The following CRYM variants were observed in gnomAD, a reference collection of about 807,000 sequenced individuals.
CRYM encodes ketimine reductase mu-crystallin.
CRYM carries 18 observed loss-of-function variants against 32.9 expected under a neutral mutation model. That is an observed-to-expected ratio of 0.55 (90% CI 0.38 to 0.81). The LOEUF (loss-of-function observed/expected upper bound fraction) is 0.81. Among genes scored for constraint, CRYM ranks in the 30% least tolerant of loss-of-function variants. The pLI, the probability that CRYM is intolerant of heterozygous loss-of-function variation, is 0.00. For synonymous variants in CRYM, 153 were observed against 152.4 expected, an observed-to-expected ratio of 1.00 and a Z score of -0.03; for missense variants, 337 against 393.5, an observed-to-expected ratio of 0.86 and a Z score of 1.21.
chr16:21,269,773 C>A lies in CRYM; in HGVS notation c.489+17G>T. On this transcript the variant is annotated intron_variant, in intron 4 of 7. Coordinates refer to ENST00000572914, the MANE Select transcript of CRYM (RefSeq NM_001376256.1). ...ACCCCCTTCCCTCTTCTCTCCCACC[C>A]CCACCCCTGGACTTACCTCCTTAAA... is the stretch of plus-strand genomic sequence containing the variant. 3 of 1,312,798 alleles carry A rather than the reference C, an allele frequency of 2.3e-6. No homozygotes were observed. The highest frequency in any genetic ancestry group is 2.4e-5 in the South Asian group (2 of 83,650). The allele number at this position is 1,312,798 out of a possible 1,614,324, so 81.3% of individuals were successfully genotyped here. A position where few individuals can be genotyped will look rare whatever the true frequency, so the allele number is the denominator to read the frequency against.
At chr16:21,263,752 G>T (rs1211963997) in intron 5 of CRYM, among the ~76,000 whole-genome samples, 1 of 152,212 alleles carries the variant, frequency 6.6e-6, no homozygotes, top group African/African-American at 2.4e-5. Flanking sequence ...TGCCTGCAAG[G>T]CCAGGGAGGT....
At position 21,267,657 on chromosome 16, in the gene CRYM, C is replaced by T. The variant is rs754359609; in HGVS notation, c.570G>A (p.Ser190=). The T allele has an allele frequency of 4.1e-5, 66 of 1,614,054 alleles. No homozygotes were observed. Among genetic ancestry groups the T allele is most frequent in the Non-Finnish European group, 4.8e-5 (57 of 1,180,022 alleles). The change falls in exon 5 of 8, where the codon TCG becomes TCA. Residue 190 remains serine, a synonymous_variant. Coordinates refer to ENST00000572914, the MANE Select transcript of CRYM (RefSeq NM_001376256.1). ...TVQGEVRVCS[S]VQEAVAGADV... is the part of the protein sequence containing the mutation. Reference sequence around the variant, plus strand: ...CTGCACCTGCCACAGCCTCCTGGACCGAAGAACAGACCCGTACCTCTCCTT... The same window carrying T: ...CTGCACCTGCCACAGCCTCCTGGACTGAAGAACAGACCCGTACCTCTCCTT...
At position 21,269,805 on chromosome 16, in the gene CRYM, C is replaced by T. The variant is rs371633413; in HGVS notation, c.474G>A (p.Gln158=). The part of the protein sequence containing the change: ...AYSHYEIFTE[Q]FSFKEVRIWN... Reference sequence around the variant, plus strand: ...CTGGACTTACCTCCTTAAAGGAGAACTGCTCTGTGAAGATCTCATAATGGC... The same window carrying T: ...CTGGACTTACCTCCTTAAAGGAGAATTGCTCTGTGAAGATCTCATAATGGC... The change falls in exon 4 of 8, where the codon CAG becomes CAA. Residue 158 remains glutamine, a synonymous_variant. Coordinates refer to ENST00000572914, the MANE Select transcript of CRYM (RefSeq NM_001376256.1). The T allele has an allele frequency of 2.4e-4, 191 of 810,088 alleles. No individual in the cohort carries two copies. Among genetic ancestry groups the T allele is most frequent in the Non-Finnish European group, 3.5e-4 (184 of 521,062 alleles). The allele number at this position is 810,088 out of a possible 1,614,324, so 50.2% of individuals were successfully genotyped here. A position where few individuals can be genotyped will look rare whatever the true frequency, so the allele number is the denominator to read the frequency against.
rs2093388064 is a variant in CRYM, at chr16:21,277,083, G to A, written c.324+348C>T. On this transcript the variant is annotated intron_variant, in intron 2 of 7. Transcript: ENST00000572914. The surrounding 1 kb of genome is among the most constrained non-coding windows in gnomAD (Gnocchi z 4.2). ...CACCCCTTCTTTTCCATGTCGACAA[G>A]GATTCAGTAAGTAAGTCTTCCCTTG... is the stretch of plus-strand genomic sequence containing the variant. 6.6e-6 allele frequency among the ~76,000 whole-genome samples: 1 copy of A among 152,188 alleles called. No individual in the cohort carries two copies.
intron 3 of CRYM, among the ~76,000 whole-genome samples, chr16:21,274,126 T>G (rs887872378): frequency 1.3e-5 from 2 of 152,238 alleles, no homozygotes; most frequent in African/African-American, 4.8e-5. Context: ...GACCTTGTAC[T>G]TCCACATTTA....
At chr16:21,297,553 C>T (rs951927471) in intron 1 of CRYM, among the ~76,000 whole-genome samples, 2 of 152,040 alleles carry the variant, frequency 1.3e-5, no homozygotes, top group Admixed American at 1.3e-4. Context: ...ACTATATGTG[C>T]CTCTAAAATT....
At chr16:21,260,609 G>A (rs1048044467) in intron 7 of CRYM, among the ~76,000 whole-genome samples, 1 of 152,124 alleles carries the variant, frequency 6.6e-6, no homozygotes, top group African/African-American at 2.4e-5. Context: ...CTGTTCCCAT[G>A]TACTTCTGTT....
At chr16:21,275,741 C>T in intron 2 of CRYM, 147 bp from the exon 3 acceptor site, 1 of 685,230 alleles carries the variant, frequency 1.5e-6, no homozygotes, top group Non-Finnish European at 2.7e-6. Flanking sequence ...CCGATTCCTC[C>T]ACTTACGAGA....
At chr16:21,288,695 G>C (rs1277664802) in intron 1 of CRYM, among the ~76,000 whole-genome samples, 1 of 152,084 alleles carries the variant, frequency 6.6e-6, no homozygotes, top group Non-Finnish European at 1.5e-5. Context: ...TTTTAAGGTG[G>C]AAGACTAGAT....
intron 1 of CRYM, among the ~76,000 whole-genome samples, chr16:21,288,924 A>G (rs1396125220): frequency 6.6e-6 from 1 of 151,978 alleles, no homozygotes; most frequent in Non-Finnish European, 1.5e-5. Context: ...ACTGATTTCT[A>G]ATTTTGTTCC....
At chr16:21,269,318 G>A (rs1457144405) in intron 4 of CRYM, among the ~76,000 whole-genome samples, 1 of 152,022 alleles carries the variant, frequency 6.6e-6, no homozygotes, top group African/African-American at 2.4e-5. Context: ...AAAATTCCCA[G>A]GGGGAAGCAT....
At chr16:21,263,051 C>A (rs2093357510) in intron 5 of CRYM, among the ~76,000 whole-genome samples, 1 of 151,956 alleles carries the variant, frequency 6.6e-6, no homozygotes, top group African/African-American at 2.4e-5. Context: ...CTATTTTTTT[C>A]TTTTTGGAGA....
intron 1 of CRYM, 40 bp downstream of exon 1, chr16:21,278,042 C>T: frequency 6.6e-7 from 1 of 1,524,720 alleles, no homozygotes; most frequent in Non-Finnish European, 8.8e-7. Context: ...TCCCCGCTTT[C>T]CAGTTTCTCC....
chr16:21,270,115 C>T (rs905325062), intron 3 of CRYM, among the ~76,000 whole-genome samples: 2 of 152,224 alleles, frequency 1.3e-5, no homozygotes, highest in Admixed American at 6.5e-5. Flanking sequence ...AATGCTTTGC[C>T]CCCATGATCT....
chr16:21,258,716 T>C lies in CRYM; in HGVS notation c.*65A>G. On this transcript the variant is annotated 3_prime_UTR_variant, in exon 8 of 8. Coordinates refer to ENST00000572914, the MANE Select transcript of CRYM (RefSeq NM_001376256.1). Reference sequence around the variant, plus strand: ...GGGGACTGGACTCCCTCATTTACTCTAGAAATTATGAGAACCAGCAGCAAT... The same window carrying C: ...GGGGACTGGACTCCCTCATTTACTCCAGAAATTATGAGAACCAGCAGCAAT... 7.0e-7 allele frequency: 1 copy of C among 1,426,304 alleles called. No homozygotes were observed. The highest frequency in any genetic ancestry group is 9.9e-7 in the Non-Finnish European group (1 of 1,010,084). The allele number at this position is 1,426,304 out of a possible 1,614,324, so 88.4% of individuals were successfully genotyped here.
intron 1 of CRYM, among the ~76,000 whole-genome samples, chr16:21,299,001 C>T (rs1016160245): frequency 2.0e-5 from 3 of 152,206 alleles, no homozygotes; most frequent in Non-Finnish European, 4.4e-5. Context: ...ACCCTCTTTC[C>T]TCCTACTCCA....
In CRYM at chr16:21,269,838, C is replaced by G; in HGVS notation, c.441G>C (p.Gln147His). The G allele has an allele frequency of 6.2e-7, 1 of 1,611,600 alleles. No homozygotes were observed. Among genetic ancestry groups the G allele is most frequent in the East Asian group, 2.2e-5 (1 of 44,754 alleles). The change falls in exon 4 of 8, where the codon CAG becomes CAC. Residue 147 changes from glutamine (Q) to histidine (H), a missense_variant. Coordinates refer to ENST00000572914, the MANE Select transcript of CRYM (RefSeq NM_001376256.1). ...EVLCILGAGV[Q>H]AYSHYEIFTE... ...TGAAGATCTCATAATGGCTGTAGGC[C>G]TGGACCCCAGCCCCAAGGATGCACA...
chr16:21,269,651 G>A (rs2093370904), intron 4 of CRYM, 139 bp downstream of exon 4: 1 of 639,198 alleles, frequency 1.6e-6, no homozygotes, highest in African/African-American at 1.8e-5. Context: ...CTTCTGGGAA[G>A]TCATGAAGAT....
chr16:21,302,419 T>G (rs1960972266), intron 1 of CRYM, among the ~76,000 whole-genome samples: 2 of 152,216 alleles, frequency 1.3e-5, no homozygotes, highest in Non-Finnish European at 1.5e-5. Flanking sequence ...GTAGTTTAAT[T>G]TGTCTTAGTT....
Sources: allele counts gnomAD v4.1 joint callset (sites outside exome capture counted in the v4.1 genomes callset), GRCh38; gene constraint gnomAD v4.1.1; non-coding constraint Gnocchi (gnomAD v3.1); transcripts MANE v1.5; gene names NCBI Gene and HGNC (gene_info 2026-07-23, HGNC 2026-07-21).